The following SNX8 variants were observed in gnomAD, a reference collection of about 807,000 sequenced individuals.
The protein encoded by SNX8 is sorting nexin-8.
SNX8 carries 25 observed loss-of-function variants against 51.6 expected under a neutral mutation model. That is an observed-to-expected ratio of 0.48 (90% CI 0.35 to 0.68). SNX8 has a LOEUF of 0.68. SNX8 is among the 30% of genes least tolerant of loss of function. The pLI, the probability that SNX8 is intolerant of heterozygous loss-of-function variation, is 0.00. For synonymous variants in SNX8, 324 were observed against 277.0 expected (o/e 1.17, Z -1.68); for missense variants, 695 against 624.0 (o/e 1.11, Z -1.21).
chr7:2,321,616 C>T (rs1778515130), intron 1 of SNX8, among the ~76,000 whole-genome samples: 1 of 150,144 alleles, frequency 6.7e-6, no homozygotes, highest in South Asian at 2.1e-4. Flanking sequence ...TTAGCAGAGA[C>T]AAGGTTTCAC....
At chr7:2,350,539 C>G (rs11760846) in intron 1 of SNX8, among the ~76,000 whole-genome samples, 1 of 152,100 alleles carries the variant, frequency 6.6e-6, no homozygotes, top group African/African-American at 2.4e-5. Flanking sequence ...CGCGGTGGCT[C>G]ATGCCTATAA....
Position 2,326,426 on chromosome 7 carries a change from A to G in SNX8, c.-66+27796T>C, listed in dbSNP as rs185581073. On this transcript the variant is annotated intron_variant, in intron 1 of 5. Coordinates refer to the SNX8 transcript ENST00000435336. Reference sequence around the variant, plus strand: ...CACGCCTGTAATCCCAGCACTTTGGAAGGCCAAGGCGGGCAGATCACGAGG... The same window carrying G: ...CACGCCTGTAATCCCAGCACTTTGGGAGGCCAAGGCGGGCAGATCACGAGG... Among the ~76,000 whole-genome samples, 255 of 151,446 alleles carry G rather than the reference A, an allele frequency of 1.7e-3. 2 individuals carry two copies. Among genetic ancestry groups the G allele is most frequent in the African/African-American group, 5.8e-3 (238 of 41,322 alleles).
chr7:2,268,395 A>G (rs1584679106), intron 5 of SNX8, among the ~76,000 whole-genome samples: 1 of 120,440 alleles, frequency 8.3e-6, no homozygotes, highest in Admixed American at 8.6e-5. Flanking sequence ...CAGCCACCCC[A>G]TCTGGGAAGT....
At chr7:2,339,492 A>T (rs1778885441) in intron 1 of SNX8, among the ~76,000 whole-genome samples, 1 of 152,174 alleles carries the variant, frequency 6.6e-6, no homozygotes, top group African/African-American at 2.4e-5. Context: ...AAAATTATAA[A>T]ACTTTATTAA....
At chr7:2,291,297 TA>T (rs1019866441) in intron 1 of SNX8, among the ~76,000 whole-genome samples, 33 of 144,720 alleles carry the variant, frequency 2.3e-4, no homozygotes, top group Non-Finnish European at 1.8e-4. Context: ...ACACCCTGTT[TA>T]AAAAAAAAAA....
intron 1 of SNX8, among the ~76,000 whole-genome samples, chr7:2,308,153 AAATAT>A (rs1796587675): frequency 6.6e-6 from 1 of 152,172 alleles, no homozygotes. Context: ...ATCACATAAG[AAATAT>A]AATACAAAAA....
chr7:2,326,615 G>C (rs1007475926), intron 1 of SNX8, among the ~76,000 whole-genome samples: 1 of 151,996 alleles, frequency 6.6e-6, no homozygotes, highest in East Asian at 1.9e-4. Context: ...GCAGTGAGCC[G>C]AGATCACGCC....
At chr7:2,279,271 C>T (rs866623375) in intron 1 of SNX8, among the ~76,000 whole-genome samples, 9 of 138,658 alleles carry the variant, frequency 6.5e-5, no homozygotes, top group Middle Eastern at 3.9e-3. Context: ...GAGTCGAAGC[C>T]GGACTCACTC....
intron 1 of SNX8, among the ~76,000 whole-genome samples, chr7:2,331,178 C>G (rs1186796485): frequency 1.0e-5 from 1 of 97,972 alleles, no homozygotes; most frequent in Non-Finnish European, 2.0e-5. Flanking sequence ...GAGCGAGACT[C>G]TGTCTCAAAA....
At chr7:2,273,899 A>G (rs1303580632) in intron 3 of SNX8, among the ~76,000 whole-genome samples, 1 of 150,570 alleles carries the variant, frequency 6.6e-6, no homozygotes, top group Non-Finnish European at 1.5e-5. Context: ...GCGAGACTCC[A>G]TGTAAAAAAA....
intron 5 of SNX8, among the ~76,000 whole-genome samples, chr7:2,266,960 T>G (rs1218486874): frequency 6.6e-6 from 1 of 152,184 alleles, no homozygotes; most frequent in Non-Finnish European, 1.5e-5. Flanking sequence ...TCTGAAAAGG[T>G]GCTGACACAA....
chr7:2,312,757 C>T (rs1017372251), intron 1 of SNX8, among the ~76,000 whole-genome samples: 18 of 152,004 alleles, frequency 1.2e-4, no homozygotes, highest in African/African-American at 7.3e-5. Flanking sequence ...CAATCTTGTC[C>T]CCCCCCACCA....
chr7:2,340,238 ATTTT>A (rs773460984), intron 1 of SNX8, among the ~76,000 whole-genome samples: 1 of 144,142 alleles, frequency 6.9e-6, no homozygotes, highest in Non-Finnish European at 1.5e-5. Flanking sequence ...AATTTTCATA[ATTTT>A]TTTTTTTTTA....
At chr7:2,269,789 C>CTT in intron 4 of SNX8, 150 bp from the exon 5 acceptor site, 1 of 502,374 alleles carries the variant, frequency 2.0e-6, no homozygotes. Flanking sequence ...TCTGCAATCT[C>CTT]TTGACTCTCC....
upstream of SNX8, among the ~76,000 whole-genome samples, chr7:2,315,579 GCATTCATT>G (rs1190075229): frequency 1.5e-5 from 2 of 136,466 alleles, no homozygotes; most frequent in Admixed American, 7.3e-5. Context: ...ACTGCATCCT[GCATTCATT>G]CATCCATTCA....
intron 1 of SNX8, among the ~76,000 whole-genome samples, chr7:2,344,033 CAA>C (rs61399367): frequency 3.9e-4 from 23 of 58,942 alleles, no homozygotes; most frequent in Admixed American, 5.8e-4. Flanking sequence ...AACTCCATCT[CAA>C]AAAAAAAAAA....
chr7:2,306,790 T>A (rs186284052), intron 1 of SNX8, among the ~76,000 whole-genome samples: 2 of 152,304 alleles, frequency 1.3e-5, no homozygotes, highest in East Asian at 3.9e-4. Flanking sequence ...TAACAAAATT[T>A]TCTGAAAGCA....
rs1202591392 is a variant in SNX8 at position 2,341,711 on chromosome 7, C to T, written c.-66+12511G>A. Among the ~76,000 whole-genome samples, 14 of 151,932 alleles carry T rather than the reference C, an allele frequency of 9.2e-5. 1 individual carries two copies. Among genetic ancestry groups the T allele is most frequent in the Admixed American group, 9.2e-4 (14 of 15,220 alleles). On this transcript the variant is annotated intron_variant, in intron 1 of 5. Transcript: ENST00000435336. ...AAAAACTAAAAACAAGCATCGGCCA[C>T]GCGCAGTGGCTCACGCTTGTAATCC...
At position 2,293,740 on chromosome 7, in the gene SNX8, G is replaced by A. The variant is rs1474317945; in HGVS notation, c.95-15435C>T. On this transcript the variant is annotated intron_variant, in intron 1 of 10. Coordinates refer to ENST00000222990, the MANE Select transcript of SNX8 (RefSeq NM_013321.4). ...AGCACTTTGGGAGGCTGAGGCGGGC[G>A]GATCACGAGGTCAGGAGTTCGAGAC... Among the ~76,000 whole-genome samples, 12 of 150,952 alleles carry A rather than the reference G, an allele frequency of 7.9e-5. No homozygotes were observed. In the East Asian group the frequency reaches 1.2e-3, roughly 15 times the overall value.
Sources: allele counts gnomAD v4.1 joint callset (sites outside exome capture counted in the v4.1 genomes callset), GRCh38; gene constraint gnomAD v4.1.1; transcripts MANE v1.5; gene names NCBI Gene and HGNC (gene_info 2026-07-23, HGNC 2026-07-21).